Variants in PTPRD observed in about 807,000 individuals in gnomAD.
PTPRD encodes receptor-type tyrosine-protein phosphatase delta.
Under a neutral mutation model 214.5 loss-of-function variants are expected in PTPRD, and 34 were observed. That is an observed-to-expected ratio of 0.16 (90% CI 0.12 to 0.21). PTPRD has a LOEUF of 0.21. Among genes scored for constraint, PTPRD ranks in the 10% least tolerant of loss-of-function variants. The probability of loss-of-function intolerance (pLI) is 1.00; values close to 1 mark genes in which losing one functional copy is unlikely to be tolerated. For missense variants in PTPRD, 2,545 were observed against 2,398.7 expected, an observed-to-expected ratio of 1.06 and a Z score of -1.27; for synonymous variants, 1,128 against 845.7, an observed-to-expected ratio of 1.33 and a Z score of -5.79.
At chr9:9,006,314 TCTC>T (rs1222660879) in intron 11 of PTPRD, among the ~76,000 whole-genome samples, 1 of 152,064 alleles carries the variant, frequency 6.6e-6, no homozygotes, top group Non-Finnish European at 1.5e-5. Context: ...AAATTTGGAT[TCTC>T]CTCCTCTTTT....
intron 9 of PTPRD, among the ~76,000 whole-genome samples, chr9:9,241,922 G>A (rs2099970553): frequency 6.6e-6 from 1 of 152,052 alleles, no homozygotes; most frequent in South Asian, 2.1e-4. Flanking sequence ...GTTAGTTGAT[G>A]CAACTTCTTC....
intron 10 of PTPRD, among the ~76,000 whole-genome samples, chr9:9,118,916 A>T (rs537799156): frequency 6.6e-6 from 1 of 152,320 alleles, no homozygotes; most frequent in South Asian, 2.1e-4. Flanking sequence ...AAATCACACC[A>T]CATTTTACTC....
intron 4 of PTPRD, among the ~76,000 whole-genome samples, chr9:10,029,777 G>T (rs1478540885): frequency 1.3e-5 from 2 of 152,178 alleles, no homozygotes; most frequent in African/African-American, 2.4e-5. Flanking sequence ...GCTGAAATGA[G>T]TTAAGACTTC....
At chr9:9,541,155 T>C (rs781054541) in intron 8 of PTPRD, among the ~76,000 whole-genome samples, 1 of 151,750 alleles carries the variant, frequency 6.6e-6, no homozygotes, top group Non-Finnish European at 1.5e-5. Context: ...ATGAACCAAC[T>C]TTCCTAGGCT....
At chr9:9,119,367 G>T (rs1042290542) in intron 10 of PTPRD, among the ~76,000 whole-genome samples, 5 of 140,448 alleles carry the variant, frequency 3.6e-5, no homozygotes, top group African/African-American at 1.5e-4. Context: ...AAATGGTGAG[G>T]GTGAGGAGAT....
At chr9:8,459,539 T>A (rs574953719) in intron 33 of PTPRD, among the ~76,000 whole-genome samples, 1 of 152,184 alleles carries the variant, frequency 6.6e-6, no homozygotes, top group Non-Finnish European at 1.5e-5. Flanking sequence ...ATAATTATAT[T>A]CTTAAGACAG....
At chr9:8,873,436 G>A (rs1334223221) in intron 11 of PTPRD, among the ~76,000 whole-genome samples, 2 of 152,116 alleles carry the variant, frequency 1.3e-5, no homozygotes, top group Non-Finnish European at 2.9e-5. Context: ...GGATTGAAGA[G>A]GATTGATTTC....
chr9:9,631,273 A>G (rs1299328898), intron 7 of PTPRD, among the ~76,000 whole-genome samples: 1 of 151,792 alleles, frequency 6.6e-6, no homozygotes, highest in Non-Finnish European at 1.5e-5. Context: ...GGTGGAGTAT[A>G]GACTCTAATG....
intron 10 of PTPRD, among the ~76,000 whole-genome samples, chr9:9,094,437 T>C (rs2099780599): frequency 6.6e-6 from 1 of 152,100 alleles, no homozygotes; most frequent in African/African-American, 2.4e-5. Context: ...CCAAAAATCG[T>C]ATGTTCCCAC....
intron 7 of PTPRD, among the ~76,000 whole-genome samples, chr9:9,666,405 C>T (rs1040163844): frequency 1.3e-5 from 2 of 151,842 alleles, no homozygotes; most frequent in Non-Finnish European, 2.9e-5. Context: ...CAAAATTTGT[C>T]TATCTTTCGT....
intron 9 of PTPRD, among the ~76,000 whole-genome samples, chr9:9,261,173 G>A (rs536751736): frequency 2.0e-5 from 3 of 151,938 alleles, no homozygotes; most frequent in African/African-American, 7.2e-5. Context: ...TTTGGGTAAT[G>A]GCTGTTTTCT....
intron 11 of PTPRD, among the ~76,000 whole-genome samples, chr9:9,017,429 TCTAGGG>T (rs1191970528): frequency 6.6e-6 from 1 of 152,160 alleles, no homozygotes; most frequent in East Asian, 1.9e-4. Flanking sequence ...ACAGGGTAAT[TCTAGGG>T]CTTTGTGTCT....
intron 3 of PTPRD, among the ~76,000 whole-genome samples, chr9:10,169,808 C>A (rs936590293): frequency 2.6e-5 from 4 of 152,004 alleles, no homozygotes; most frequent in Non-Finnish European, 5.9e-5. Flanking sequence ...CAGTTTTCAA[C>A]CAAAAATTAG....
At chr9:8,923,938 A>T (rs2098845742) in intron 11 of PTPRD, among the ~76,000 whole-genome samples, 1 of 152,220 alleles carries the variant, frequency 6.6e-6, no homozygotes, top group Non-Finnish European at 1.5e-5. Flanking sequence ...CAATTGTTTT[A>T]ATTAAAAAAT....
intron 7 of PTPRD, among the ~76,000 whole-genome samples, chr9:9,694,896 C>T (rs2097342564): frequency 6.6e-6 from 1 of 152,156 alleles, no homozygotes; most frequent in African/African-American, 2.4e-5. Flanking sequence ...TCCAGAAATG[C>T]CGTCCAAGAG....
At chr9:8,754,418 G>T (rs1427409411) in intron 11 of PTPRD, among the ~76,000 whole-genome samples, 1 of 152,074 alleles carries the variant, frequency 6.6e-6, no homozygotes, top group Admixed American at 6.6e-5. Flanking sequence ...CAAAATAGTG[G>T]AACAGAAAAA....
In PTPRD at chr9:9,647,174, T is replaced by TC. The variant is rs201381537; in HGVS notation, c.-286-72394dup. Among the ~76,000 whole-genome samples the TC allele has an allele frequency of 1.2e-3, 178 of 151,552 alleles. 1 individual carries two copies. The highest frequency in any genetic ancestry group is 6.8e-3 in the Middle Eastern group (2 of 292). ...GTTTTAAATCTAATTATTGCATCTT[T>TC]CCCCCCCCTCTTTCTAGTCATTCCA... On this transcript the variant is annotated intron_variant, in intron 7 of 45. Transcript: ENST00000381196.
chr9:8,640,495 G>A (rs914813510), intron 12 of PTPRD, among the ~76,000 whole-genome samples: 1 of 150,600 alleles, frequency 6.6e-6, no homozygotes, highest in African/African-American at 2.4e-5. Flanking sequence ...ATCTATTTTA[G>A]GACCTGGAAC....
chr9:8,526,862 C>T (rs566338039), intron 16 of PTPRD, among the ~76,000 whole-genome samples: 257 of 151,774 alleles, frequency 1.7e-3, no homozygotes, highest in Admixed American at 2.6e-3. Context: ...GGGTAAAGAC[C>T]GCAATAGGCA....
Sources: gnomAD v4.1 joint callset for allele counts (sites outside exome capture counted in the v4.1 genomes callset) on GRCh38, gnomAD v4.1.1 for gene constraint, MANE v1.5 for transcripts, NCBI Gene and HGNC (gene_info 2026-07-23, HGNC 2026-07-21) for gene names.